The following ATP1B1 variants were observed in gnomAD, a reference collection of about 807,000 sequenced individuals.
ATP1B1 encodes the protein sodium/potassium-transporting ATPase subunit beta-1.
ATP1B1 carries 3 observed loss-of-function variants against 39.6 expected under a neutral mutation model. The ratio of observed to expected loss-of-function variants is 0.08; its 90% CI spans 0.03 to 0.20. The LOEUF (loss-of-function observed/expected upper bound fraction) is 0.20. Among genes scored for constraint, ATP1B1 ranks in the 10% least tolerant of loss-of-function variants. The pLI is 1.00. For missense variants in ATP1B1, 216 were observed against 371.1 expected (o/e 0.58, Z 3.43); for synonymous variants, 139 against 135.0 (o/e 1.03, Z -0.20).
intron 1 of ATP1B1, 146 bp from the exon 2 acceptor site, chr1:169,111,224 G>A (rs1382279517): frequency 9.3e-7 from 1 of 1,072,884 alleles, no homozygotes; most frequent in Admixed American, 2.2e-5. Context: ...GTGTCAGTGG[G>A]GTGAGGTGCA....
intron 2 of ATP1B1, 140 bp from the exon 3 acceptor site, chr1:169,124,744 A>G: frequency 1.2e-6 from 1 of 857,852 alleles, no homozygotes; most frequent in South Asian, 1.7e-5. Flanking sequence ...ATGCCAGAGG[A>G]GTGATTTAAC....
At chr1:169,110,765 A>C in intron 1 of ATP1B1, 2 of 1,054,276 alleles carry the variant, frequency 1.9e-6, no homozygotes, top group Non-Finnish European at 2.5e-6. Flanking sequence ...TCCGAGGGGA[A>C]AGAGTGTGCT....
chr1:169,127,678 T>G (rs1412250472), intron 4 of ATP1B1, among the ~76,000 whole-genome samples: 1 of 152,124 alleles, frequency 6.6e-6, no homozygotes, highest in Non-Finnish European at 1.5e-5. Flanking sequence ...TCCTGCTCAG[T>G]ATCCAGATAA....
chr1:169,106,994 A>G (rs1657607380), intron 1 of ATP1B1, 68 bp downstream of exon 1: 4 of 1,452,830 alleles, frequency 2.8e-6, no homozygotes, highest in Admixed American at 2.2e-5. Flanking sequence ...TCCCCTGCGC[A>G]GGGTCCGCGG....
At chr1:169,124,162 G>A (rs1658041435) in intron 2 of ATP1B1, among the ~76,000 whole-genome samples, 1 of 152,158 alleles carries the variant, frequency 6.6e-6, no homozygotes, top group Admixed American at 6.5e-5. Flanking sequence ...GAAGGCAGCG[G>A]CTTTTGGATA....
chr1:169,118,070 T>G (rs1167708121), intron 2 of ATP1B1, among the ~76,000 whole-genome samples: 2 of 152,234 alleles, frequency 1.3e-5, no homozygotes, highest in African/African-American at 4.8e-5. Flanking sequence ...CTTTATTGTA[T>G]TGAGAATAAG....
At chr1:169,119,501 C>T (rs1056714824) in intron 2 of ATP1B1, among the ~76,000 whole-genome samples, 1 of 152,170 alleles carries the variant, frequency 6.6e-6, no homozygotes, top group African/African-American at 2.4e-5. Context: ...AGAGCTCATC[C>T]TTGTCCAGAG....
intron 2 of ATP1B1, among the ~76,000 whole-genome samples, chr1:169,112,455 T>A (rs1657748257): frequency 6.6e-6 from 1 of 152,256 alleles, no homozygotes. Flanking sequence ...ACCTTGAAGC[T>A]GCTGCTGAGG....
intron 1 of ATP1B1, among the ~76,000 whole-genome samples, chr1:169,107,525 C>T (rs775813189): frequency 6.6e-6 from 1 of 152,138 alleles, no homozygotes; most frequent in Admixed American, 6.5e-5. Context: ...CAATAAGCTC[C>T]ATTTCAGGAC....
chr1:169,118,652 C>T (rs1385245068), intron 2 of ATP1B1, among the ~76,000 whole-genome samples: 1 of 152,154 alleles, frequency 6.6e-6, no homozygotes, highest in Non-Finnish European at 1.5e-5. Flanking sequence ...TGTGCGTATG[C>T]ATACATATGT....
At chr1:169,129,198 A>G (rs904646477) in intron 4 of ATP1B1, among the ~76,000 whole-genome samples, 1 of 152,252 alleles carries the variant, frequency 6.6e-6, no homozygotes, top group Non-Finnish European at 1.5e-5. Flanking sequence ...CTAATATTTT[A>G]TCTGACTTTG....
At chr1:169,129,408 C>T (rs983244171) in intron 4 of ATP1B1, among the ~76,000 whole-genome samples, 4 of 152,180 alleles carry the variant, frequency 2.6e-5, no homozygotes, top group African/African-American at 9.7e-5. Flanking sequence ...TCAGTGGATT[C>T]ACCCCTTCAA....
At chr1:169,119,501 C>G (rs1056714824) in intron 2 of ATP1B1, among the ~76,000 whole-genome samples, 1 of 152,170 alleles carries the variant, frequency 6.6e-6, no homozygotes, top group African/African-American at 2.4e-5. Flanking sequence ...AGAGCTCATC[C>G]TTGTCCAGAG....
chr1:169,129,138 G>C (rs1342718896), intron 4 of ATP1B1, among the ~76,000 whole-genome samples: 1 of 152,164 alleles, frequency 6.6e-6, no homozygotes, highest in Admixed American at 6.6e-5. Context: ...TCATTTTCTT[G>C]CATCCAAAAC....
At chr1:169,119,094 T>C (rs1207808865) in intron 2 of ATP1B1, among the ~76,000 whole-genome samples, 2 of 152,234 alleles carry the variant, frequency 1.3e-5, no homozygotes, top group South Asian at 2.1e-4. Flanking sequence ...TTACTAAAGC[T>C]AAACATGGAG....
At chr1:169,111,544 G>A (rs1657731923) in intron 2 of ATP1B1, 46 bp downstream of exon 2, 1 of 1,582,114 alleles carries the variant, frequency 6.3e-7, no homozygotes, top group African/African-American at 1.4e-5. Context: ...GATAGCATGG[G>A]TGTCACTTTT....
At chr1:169,130,565 G>T (rs1323820653) in intron 5 of ATP1B1, among the ~76,000 whole-genome samples, 1 of 152,092 alleles carries the variant, frequency 6.6e-6, no homozygotes, top group Non-Finnish European at 1.5e-5. Flanking sequence ...GAGATGGGCA[G>T]ATAATGAGGT....
intron 2 of ATP1B1, among the ~76,000 whole-genome samples, chr1:169,116,279 G>A (rs1327993087): frequency 6.6e-6 from 1 of 152,210 alleles, no homozygotes; most frequent in African/African-American, 2.4e-5. Context: ...TGTGTCAATC[G>A]GTGGGTCCGG....
chr1:169,131,532 G>A lies in ATP1B1; in HGVS notation c.889G>A (p.Val297Ile), dbSNP rs144160193. ...AGACCGTTTTCAGGGACGTTTTGAT[G>A]TAAAAATTGAAGTTAAGAGCTGATC... The part of the protein sequence containing the change: ...EKDRFQGRFD[V>I]KIEVKS The change falls in exon 6 of 6, where the codon GTA becomes ATA. Residue 297 changes from valine to isoleucine, a missense_variant. Val to Ile is a conservative substitution (Grantham distance 29). Transcript: ENST00000367815. This position sits in a 1 kb window ranked among gnomAD's most constrained non-coding sequence, Gnocchi z 4.4. 1.2e-6 allele frequency: 2 copies of A among 1,613,660 alleles called. No individual in the cohort carries two copies. The highest frequency in any genetic ancestry group is 1.1e-5 in the South Asian group (1 of 90,920).
Sources: gnomAD v4.1 joint callset for allele counts (sites outside exome capture counted in the v4.1 genomes callset) on GRCh38, gnomAD v4.1.1 for gene constraint, Gnocchi (gnomAD v3.1) non-coding constraint, MANE v1.5 for transcripts, NCBI Gene and HGNC (gene_info 2026-07-23, HGNC 2026-07-21) for gene names.